Variants in SMARCE1 observed in about 807,000 individuals in gnomAD.
SMARCE1 encodes the protein SWI/SNF related BAF chromatin remodeling complex subunit E1, also known as SWI/SNF-related matrix-associated actin-dependent regulator of chromatin subfamily E member 1.
A neutral mutation model predicts 54.9 loss-of-function variants in SMARCE1; 13 were observed. That is an observed-to-expected ratio of 0.24 (90% CI 0.15 to 0.38). SMARCE1 has a LOEUF of 0.38. SMARCE1 is among the 10% of genes least tolerant of loss of function. SMARCE1 has a pLI of 1.00. For missense variants in SMARCE1, 295 were observed against 523.8 expected (o/e 0.56, Z 4.26); for synonymous variants, 151 against 175.3 (o/e 0.86, Z 1.10).
At chr17:40,636,190 TATG>T (rs1418809868) in intron 6 of SMARCE1, 88 bp from the exon 7 acceptor site, 5 of 1,262,466 alleles carry the variant, frequency 4.0e-6, no homozygotes, top group Non-Finnish European at 4.4e-6. Context: ...TATCAAAAGA[TATG>T]ATGTAAACAG....
intron 5 of SMARCE1, 48 bp from the exon 6 acceptor site, chr17:40,636,574 A>T: frequency 6.8e-7 from 1 of 1,469,056 alleles, no homozygotes; most frequent in Non-Finnish European, 9.4e-7. Flanking sequence ...CTAAACGTAT[A>T]GACCTTTAAA....
intron 10 of SMARCE1, chr17:40,629,733 T>C (rs1307136830): frequency 5.1e-6 from 2 of 396,008 alleles, no homozygotes; most frequent in Non-Finnish European, 8.9e-6. Flanking sequence ...GACTGAGTGT[T>C]TGTCTAGTTG....
rs2037214304 is a variant in SMARCE1 at position 40,642,929 on chromosome 17, G to C, written c.52-370C>G. ...TTAGCAATATATGAAGACTGAAATA[G>C]GAAGGCTTGAAGTGTGATCAACTAG... is the stretch of plus-strand genomic sequence containing the variant. On this transcript the variant is annotated intron_variant, in intron 3 of 10. Transcript: ENST00000348513. This position sits in a 1 kb window ranked among gnomAD's most constrained non-coding sequence, Gnocchi z 4.6. 5.7e-6 allele frequency: 1 copy of C among 174,628 alleles called. No individual in the cohort carries two copies. Among genetic ancestry groups the C allele is most frequent in the Non-Finnish European group, 1.2e-5 (1 of 83,870 alleles). The allele number at this position is 174,628 out of a possible 1,614,324, so 10.8% of individuals were successfully genotyped here.
chr17:40,632,635 TACA>T (rs1353851926), intron 7 of SMARCE1: 1 of 368,946 alleles, frequency 2.7e-6, no homozygotes, highest in Non-Finnish European at 4.9e-6. Flanking sequence ...ATAAACGAGA[TACA>T]ACATGTCTCT....
At chr17:40,645,435 A>G (rs2037246204) in intron 3 of SMARCE1, 141 bp downstream of exon 3, 1 of 523,488 alleles carries the variant, frequency 1.9e-6, no homozygotes. Context: ...TTTATTTAGT[A>G]GGAAGTGCTT....
intron 3 of SMARCE1, chr17:40,643,566 A>G (rs2037219897): frequency 6.6e-6 from 1 of 152,242 alleles, no homozygotes; most frequent in South Asian, 2.1e-4. Context: ...AATATAGTAG[A>G]GAGAGACCAA....
chr17:40,643,584 G>T (rs1332146272), intron 3 of SMARCE1: 5 of 152,084 alleles, frequency 3.3e-5, no homozygotes, highest in African/African-American at 1.2e-4. Flanking sequence ...CAAAATTAGG[G>T]TATTTTACCT....
chr17:40,630,343 G>GC, intron 10 of SMARCE1: 1 of 774,168 alleles, frequency 1.3e-6, no homozygotes, highest in Non-Finnish European at 2.3e-6. Flanking sequence ...AGTTGTTGTT[G>GC]CAACTACTCA....
In SMARCE1 at chr17:40,627,682, T is replaced by C. The variant is rs2037049056; in HGVS notation, c.*1103A>G. ...ACTGGATGCTTGTCTTGCATACAAA[T>C]ATGTAGTGCATTAAAAACACTGAGA... On this transcript the variant is annotated 3_prime_UTR_variant, in exon 11 of 11. Transcript: ENST00000348513. 6.6e-6 allele frequency: 1 copy of C among 151,978 alleles called. No individual in the cohort carries two copies. Among genetic ancestry groups the C allele is most frequent in the Admixed American group, 6.6e-5 (1 of 15,200 alleles). 9.4% of individuals were successfully genotyped at this position (151,978 alleles called of 1,614,324 possible).
Position 40,628,843 on chromosome 17 carries a change from C to T in SMARCE1, c.1178G>A (p.Ser393Asn). Residue 393 changes from serine (S) to asparagine (N), a missense_variant, in exon 11 of 11, where the codon AGT becomes AAT. Physicochemically the swap from Ser to Asn is conservative, Grantham distance 46. Around this residue, in one of 5 missense-constraint regions of SMARCE1, gnomAD observed 147 missense variants for 161.4 expected, o/e 0.91. Transcript: ENST00000348513. ...SDSNTGSESNSATVEEPPTDP... is the reference protein window; with the variant it reads ...SDSNTGSESNNATVEEPPTDP... ...TGTTGGTGGCTCCTCCACTGTTGCACTGTTGCTCTCCGAGCCAGTGTTACT... is the reference window on the plus strand; with the variant it reads ...TGTTGGTGGCTCCTCCACTGTTGCATTGTTGCTCTCCGAGCCAGTGTTACT... The T allele has an allele frequency of 6.2e-7, 1 of 1,613,882 alleles. No homozygotes were observed. Among genetic ancestry groups the T allele is most frequent in the Admixed American group, 1.7e-5 (1 of 60,014 alleles).
chr17:40,631,787 C>A, intron 8 of SMARCE1, 94 bp from the exon 9 acceptor site: 4 of 712,356 alleles, frequency 5.6e-6, no homozygotes, highest in Non-Finnish European at 9.9e-6. Context: ...AACTTTAGAT[C>A]ATTTATCACA....
At position 40,632,004 on chromosome 17, in the gene SMARCE1, A is replaced by G. The variant is rs76906925; in HGVS notation, c.714+191T>C. ...AATATACTTTCCATTACAAGGTTCTATATTATAGTTTTTAATGACAAACTT... is the reference window on the plus strand; with the variant it reads ...AATATACTTTCCATTACAAGGTTCTGTATTATAGTTTTTAATGACAAACTT... On this transcript the variant is annotated intron_variant, in intron 8 of 10. Coordinates refer to ENST00000348513, the MANE Select transcript of SMARCE1 (RefSeq NM_003079.5). 1,363 of 577,432 alleles carry G rather than the reference A, an allele frequency of 2.4e-3. 14 individuals are homozygous for G. The highest frequency in any genetic ancestry group is 0.023 in the African/African-American group (1,211 of 53,558). The allele number at this position is 577,432 out of a possible 1,614,324, so 35.8% of individuals were successfully genotyped here. A position where few individuals can be genotyped will look rare whatever the true frequency, so the allele number is the denominator to read the frequency against.
Position 40,628,712 on chromosome 17 carries a change from CG to C in SMARCE1, c.*72del, listed in dbSNP as rs1019598371. On this transcript the variant is annotated 3_prime_UTR_variant, in exon 11 of 11. Transcript: ENST00000348513. ...AGAAAAAAAATTAATACACAAACCA[CG>C]TAACACCATTAAAACCAAAAAACAT... 3.1e-5 allele frequency: 39 copies of C among 1,254,150 alleles called. No individual in the cohort carries two copies. In the African/African-American group the frequency reaches 4.6e-4, roughly 15 times the overall value. The allele number at this position is 1,254,150 out of a possible 1,614,324, so 77.7% of individuals were successfully genotyped here.
intron 5 of SMARCE1, 67 bp downstream of exon 5, chr17:40,637,425 G>A: frequency 8.0e-7 from 1 of 1,251,772 alleles, no homozygotes; most frequent in Non-Finnish European, 1.2e-6. Flanking sequence ...CCGATCTAAA[G>A]TTGGATGTTA....
At position 40,625,938 on chromosome 17, in the gene SMARCE1, G is replaced by C. The variant is rs1489684344; in HGVS notation, c.*2847C>G. The C allele has an allele frequency of 6.6e-6, 1 of 152,160 alleles. No individual in the cohort carries two copies. The highest frequency in any genetic ancestry group is 1.5e-5 in the Non-Finnish European group (1 of 68,072). 9.4% of individuals were successfully genotyped at this position (152,160 alleles called of 1,614,324 possible). ...AATTTAAAACTGTTAGAAAATTGGG[G>C]GACTATGGGGCTGGGCGCGGTGGCT... is the stretch of plus-strand genomic sequence containing the variant. On this transcript the variant is annotated 3_prime_UTR_variant, in exon 11 of 11. Transcript: ENST00000348513.
chr17:40,637,319 A>T, intron 5 of SMARCE1, 173 bp downstream of exon 5: 1 of 649,760 alleles, frequency 1.5e-6, no homozygotes, highest in Non-Finnish European at 2.8e-6. Flanking sequence ...CTCTTGTTGG[A>T]TTTTAGTTCT....
Position 40,630,885 on chromosome 17 carries a change from C to T in SMARCE1, c.856G>A (p.Ala286Thr), listed in dbSNP as rs751048883. Residue 286 changes from alanine (A) to threonine (T), a missense_variant, in exon 10 of 11, where the codon GCA becomes ACA. Around this residue, in one of 5 missense-constraint regions of SMARCE1, gnomAD observed 147 missense variants for 161.4 expected, o/e 0.91. Coordinates refer to ENST00000348513, the MANE Select transcript of SMARCE1 (RefSeq NM_003079.5). Reference protein sequence around the residue: ...LKVEVDMEKIAAEIAQAEEQA... With the variant: ...LKVEVDMEKITAEIAQAEEQA... ...TCCTCTGCCTGTGCAATCTCAGCTG[C>T]AATTTTCTCCATATCCACTTCTACT... The T allele has an allele frequency of 6.2e-7, 1 of 1,613,672 alleles. No individual in the cohort carries two copies. The highest frequency in any genetic ancestry group is 8.5e-7 in the Non-Finnish European group (1 of 1,180,006).
intron 4 of SMARCE1, 194 bp from the exon 5 acceptor site, chr17:40,637,766 T>C (rs1436827344): frequency 7.0e-6 from 4 of 570,240 alleles, no homozygotes; most frequent in Non-Finnish European, 1.3e-5. Flanking sequence ...TTTTAAATGT[T>C]TTACTTAGCA....
At chr17:40,632,392 A>C (rs756836595) in intron 7 of SMARCE1, 25 bp from the exon 8 acceptor site, 2 of 1,604,770 alleles carry the variant, frequency 1.2e-6, no homozygotes, top group Non-Finnish European at 1.7e-6. Flanking sequence ...TTGTTCTGGA[A>C]ATCAGGTCAC....
Sources: gnomAD v4.1 joint callset for allele counts on GRCh38, gnomAD v4.1.1 for gene constraint, gnomAD v4.1.1 regional missense constraint, Gnocchi (gnomAD v3.1) non-coding constraint, MANE v1.5 for transcripts, NCBI Gene and HGNC (gene_info 2026-07-23, HGNC 2026-07-21) for gene names.